PLAG1: variants seen among roughly 807,000 people sequenced by gnomAD.
PLAG1 encodes PLAG1 zinc finger, also known as zinc finger protein PLAG1.
Under a neutral mutation model 35.5 loss-of-function variants are expected in PLAG1, and 7 were observed. The ratio of observed to expected loss-of-function variants is 0.20; its 90% CI spans 0.11 to 0.37. The LOEUF (loss-of-function observed/expected upper bound fraction) is 0.37, where lower values mean the gene tolerates loss of function less well. Among genes scored for constraint, PLAG1 ranks in the 10% least tolerant of loss-of-function variants. PLAG1 has a pLI of 1.00. For missense variants in PLAG1, 454 were observed against 602.8 expected, an observed-to-expected ratio of 0.75 and a Z score of 2.58; for synonymous variants, 229 against 225.4, an observed-to-expected ratio of 1.02 and a Z score of -0.14.
In PLAG1 at chr8:56,179,146, A is replaced by G. The variant is rs566882661; in HGVS notation, c.-217+263T>C. On this transcript the variant is annotated intron_variant, in intron 2 of 4. Transcript: ENST00000316981. Reference sequence around the variant, plus strand: ...GTGGGCTATCTGGGGAACAGGAACAAATTAAGTTTTTACAGCAGCTATGTG... The same window carrying G: ...GTGGGCTATCTGGGGAACAGGAACAGATTAAGTTTTTACAGCAGCTATGTG... Among the ~76,000 whole-genome samples, 38 of 152,208 alleles carry G rather than the reference A, an allele frequency of 2.5e-4. No individual in the cohort carries two copies. The South Asian group carries it at 7.5e-3, about 30-fold the overall frequency.
At chr8:56,198,755 A>G (rs1585820992) in intron 1 of PLAG1, among the ~76,000 whole-genome samples, 1 of 152,228 alleles carries the variant, frequency 6.6e-6, no homozygotes, top group Admixed American at 6.5e-5. Flanking sequence ...ACTGTCTCTT[A>G]GGGTCCCTCT....
chr8:56,205,735 T>C (rs774884881), intron 1 of PLAG1, among the ~76,000 whole-genome samples: 2 of 151,978 alleles, frequency 1.3e-5, no homozygotes, highest in Non-Finnish European at 2.9e-5. Flanking sequence ...TTTTGCTTCC[T>C]AACACCTTCA....
chr8:56,166,274 G>A lies in PLAG1; in HGVS notation c.1472C>T (p.Thr491Ile). Residue 491 changes from threonine to isoleucine, a missense_variant, in exon 5 of 5, where the codon ACC becomes ATC. By Grantham distance (89) the Thr-to-Ile change is moderately conservative. This residue lies in a region of PLAG1 where 271 missense variants were observed against 315.6 expected (regional missense o/e 0.86). Coordinates refer to ENST00000316981, the MANE Select transcript of PLAG1 (RefSeq NM_002655.3). ...AFTSSLSTST[T>I]LPRFHQAFQ is the part of the protein sequence containing the mutation. Reference sequence around the variant, plus strand: ...AAAAGCTTGATGGAAACGTGGGAGGGTGGTACTTGTGCTTAAACTGCTGGT... The same window carrying A: ...AAAAGCTTGATGGAAACGTGGGAGGATGGTACTTGTGCTTAAACTGCTGGT... 1 of 1,604,792 alleles carries A rather than the reference G, an allele frequency of 6.2e-7. No individual in the cohort carries two copies. The highest frequency in any genetic ancestry group is 8.5e-7 in the Non-Finnish European group (1 of 1,176,018).
chr8:56,182,834 A>C (rs1811912555), intron 1 of PLAG1, among the ~76,000 whole-genome samples: 1 of 152,210 alleles, frequency 6.6e-6, no homozygotes, highest in African/African-American at 2.4e-5. Context: ...TCTTGGAAGA[A>C]TCAGGGTAGA....
Position 56,164,233 on chromosome 8 carries a change from TAA to T in PLAG1, c.*2008_*2009del, listed in dbSNP as rs1025349711. The T allele has an allele frequency of 4.9e-6, 1 of 203,430 alleles. No homozygotes were observed. The highest frequency in any genetic ancestry group is 2.3e-5 in the African/African-American group (1 of 43,672). 12.6% of individuals were successfully genotyped at this position (203,430 alleles called of 1,614,324 possible). On this transcript the variant is annotated 3_prime_UTR_variant, in exon 5 of 5. Coordinates refer to ENST00000316981, the MANE Select transcript of PLAG1 (RefSeq NM_002655.3). ...GTATAAAAACTACTGCTCCAAGGAT[TAA>T]AAAAATATAGGAGCATGATAAAATA... is the stretch of plus-strand genomic sequence containing the variant.
Position 56,163,569 on chromosome 8 carries a change from A to G in PLAG1, c.*2674T>C. Reference sequence around the variant, plus strand: ...GGTGGGAACAGGCAAAGAGGTGTACACATGAAAATTAAGACTCCAAAATTT... The same window carrying G: ...GGTGGGAACAGGCAAAGAGGTGTACGCATGAAAATTAAGACTCCAAAATTT... On this transcript the variant is annotated 3_prime_UTR_variant, in exon 5 of 5. Transcript: ENST00000316981. The G allele has an allele frequency of 5.0e-6, 1 of 199,588 alleles. No homozygotes were observed. The allele number at this position is 199,588 out of a possible 1,614,324, so 12.4% of individuals were successfully genotyped here. A position where few individuals can be genotyped will look rare whatever the true frequency, so the allele number is the denominator to read the frequency against.
rs1811209988 is a variant in PLAG1 at position 56,161,821 on chromosome 8, T to C, written c.*4422A>G. 4.3e-6 allele frequency: 1 copy of C among 229,984 alleles called. No homozygotes were observed. Among genetic ancestry groups the C allele is most frequent in the African/African-American group, 2.2e-5 (1 of 45,174 alleles). 14.2% of individuals were successfully genotyped at this position (229,984 alleles called of 1,614,324 possible). A position where few individuals can be genotyped will look rare whatever the true frequency, so the allele number is the denominator to read the frequency against. On this transcript the variant is annotated 3_prime_UTR_variant, in exon 5 of 5. Coordinates refer to ENST00000316981, the MANE Select transcript of PLAG1 (RefSeq NM_002655.3). The stretch of plus-strand genomic sequence containing the variant: ...ATTAGCAGCATGATCCAATATAATA[T>C]TGAAGGAGTGTTTCTGAGAAGATAA...
Position 56,165,726 on chromosome 8 carries a change from C to T in PLAG1, c.*517G>A. 5.1e-6 allele frequency: 1 copy of T among 195,652 alleles called. No homozygotes were observed. 12.1% of individuals were successfully genotyped at this position (195,652 alleles called of 1,614,324 possible). A position where few individuals can be genotyped will look rare whatever the true frequency, so the allele number is the denominator to read the frequency against. ...CTGAAATTATGGTGTATCTAACAAA[C>T]ATTTATTATCTTCCGAAACTGGACT... is the stretch of plus-strand genomic sequence containing the variant. On this transcript the variant is annotated 3_prime_UTR_variant, in exon 5 of 5. Coordinates refer to ENST00000316981, the MANE Select transcript of PLAG1 (RefSeq NM_002655.3).
intron 1 of PLAG1, among the ~76,000 whole-genome samples, chr8:56,207,569 T>C (rs890299912): frequency 2.0e-5 from 3 of 152,100 alleles, no homozygotes; most frequent in South Asian, 2.1e-4. Context: ...CCCACACTTA[T>C]AAATCTTCCA....
At chr8:56,206,551 C>A (rs779129299) in intron 1 of PLAG1, among the ~76,000 whole-genome samples, 1 of 151,846 alleles carries the variant, frequency 6.6e-6, no homozygotes. Flanking sequence ...AGTAGTCTTA[C>A]GGTAAAATAG....
Position 56,166,106 on chromosome 8 carries a change from T to C in PLAG1, c.*137A>G, listed in dbSNP as rs1440434087. 1 of 565,384 alleles carries C rather than the reference T, an allele frequency of 1.8e-6. No homozygotes were observed. The highest frequency in any genetic ancestry group is 3.1e-6 in the Non-Finnish European group (1 of 326,206). 35.0% of individuals were successfully genotyped at this position (565,384 alleles called of 1,614,324 possible). Reference sequence around the variant, plus strand: ...TCAGTTTAAAAGCTAGTTTCTATTTTATACTGGCTTAATGAAAATTTGTAT... The same window carrying C: ...TCAGTTTAAAAGCTAGTTTCTATTTCATACTGGCTTAATGAAAATTTGTAT... On this transcript the variant is annotated 3_prime_UTR_variant, in exon 5 of 5. Coordinates refer to ENST00000316981, the MANE Select transcript of PLAG1 (RefSeq NM_002655.3).
chr8:56,199,867 G>A (rs561182912), intron 1 of PLAG1, among the ~76,000 whole-genome samples: 9 of 152,338 alleles, frequency 5.9e-5, no homozygotes, highest in African/African-American at 1.9e-4. Context: ...AACATTAGAT[G>A]TTGAGAATCA....
chr8:56,199,019 G>C (rs1812466556), intron 1 of PLAG1, among the ~76,000 whole-genome samples: 1 of 152,200 alleles, frequency 6.6e-6, no homozygotes, highest in African/African-American at 2.4e-5. Flanking sequence ...GAGACATGGA[G>C]GCCCTAGAGA....
At chr8:56,196,209 C>T (rs182663637) in intron 1 of PLAG1, among the ~76,000 whole-genome samples, 7 of 152,092 alleles carry the variant, frequency 4.6e-5, no homozygotes, top group Admixed American at 4.6e-4. Flanking sequence ...TAAACAAGCC[C>T]GAGGGAATGG....
chr8:56,187,220 G>C (rs775126945), intron 1 of PLAG1, among the ~76,000 whole-genome samples: 1 of 152,120 alleles, frequency 6.6e-6, no homozygotes, highest in Non-Finnish European at 1.5e-5. Context: ...TCCCTACTGC[G>C]ATACACAGAT....
chr8:56,163,946 T>C lies in PLAG1; in HGVS notation c.*2297A>G, dbSNP rs1052481763. The C allele has an allele frequency of 1.1e-5, 2 of 182,390 alleles. No homozygotes were observed. Among genetic ancestry groups the C allele is most frequent in the African/African-American group, 4.7e-5 (2 of 42,432 alleles). 11.3% of individuals were successfully genotyped at this position (182,390 alleles called of 1,614,324 possible). On this transcript the variant is annotated 3_prime_UTR_variant, in exon 5 of 5. Coordinates refer to ENST00000316981, the MANE Select transcript of PLAG1 (RefSeq NM_002655.3). ...GCTCTGTCACCAATTTTTTTCCTTT[T>C]ATATGGTGATTAAAGCAATATTGAA...
intron 2 of PLAG1, among the ~76,000 whole-genome samples, chr8:56,179,023 C>CCA (rs1233931465): frequency 2.3e-5 from 1 of 42,934 alleles, no homozygotes; most frequent in African/African-American, 9.0e-5. Flanking sequence ...GCCCAGGAGA[C>CCA]AAAAAAAAAA....
intron 2 of PLAG1, among the ~76,000 whole-genome samples, chr8:56,178,409 A>C (rs1172651736): frequency 1.3e-5 from 2 of 152,218 alleles, no homozygotes; most frequent in Non-Finnish European, 2.9e-5. Context: ...CCCTAACACT[A>C]AAGATTTTTA....
chr8:56,210,407 A>ACC (rs935548079), intron 1 of PLAG1, among the ~76,000 whole-genome samples: 1 of 95,116 alleles, frequency 1.1e-5, no homozygotes, highest in Non-Finnish European at 2.2e-5. Flanking sequence ...CCCTCCCCCT[A>ACC]CCCCCCCTCG....
Sources: gnomAD v4.1 joint callset for allele counts (sites outside exome capture counted in the v4.1 genomes callset) on GRCh38, gnomAD v4.1.1 for gene constraint, gnomAD v4.1.1 regional missense constraint, MANE v1.5 for transcripts, NCBI Gene and HGNC (gene_info 2026-07-23, HGNC 2026-07-21) for gene names.